SLC39A12: variants seen among roughly 807,000 people sequenced by gnomAD.
The protein encoded by SLC39A12 is solute carrier family 39 member 12, also known as zinc transporter ZIP12.
SLC39A12 carries 63 observed loss-of-function variants against 71.1 expected under a neutral mutation model. That is an observed-to-expected ratio of 0.89 (90% CI 0.72 to 1.09). The LOEUF is 1.09. SLC39A12 is among the 50% of genes least tolerant of loss of function. The probability of loss-of-function intolerance (pLI) is 0.00; values close to 1 mark genes in which losing one functional copy is unlikely to be tolerated. For missense variants in SLC39A12, 892 were observed against 812.6 expected (o/e 1.10, Z -1.19); for synonymous variants, 351 against 301.3 (o/e 1.16, Z -1.71).
At position 17,953,546 on chromosome 10, in the gene SLC39A12, A is replaced by G. The variant is rs1554847423; in HGVS notation, c.261+9A>G. 10 of 1,613,772 alleles carry G rather than the reference A, an allele frequency of 6.2e-6. No homozygotes were observed. The highest frequency in any genetic ancestry group is 8.5e-6 in the Non-Finnish European group (10 of 1,179,804). On this transcript the variant is annotated intron_variant, in intron 2 of 12. Transcript: ENST00000377369. ...AAGGAGATTGCAATCTGGTTAGTGAAATAGAATGGGGTCAGGTATCAGGGC... is the reference window on the plus strand; with the variant it reads ...AAGGAGATTGCAATCTGGTTAGTGAGATAGAATGGGGTCAGGTATCAGGGC...
chr10:18,005,173 C>A (rs1835976065), intron 12 of SLC39A12, among the ~76,000 whole-genome samples: 1 of 152,004 alleles, frequency 6.6e-6, no homozygotes, highest in African/African-American at 2.4e-5. Flanking sequence ...ACCACTGTGA[C>A]ACACGTTTAC....
chr10:17,989,524 C>T (rs11594776), intron 7 of SLC39A12, among the ~76,000 whole-genome samples: 46,085 of 151,986 alleles, frequency 0.3, 8,081 homozygotes, highest in Non-Finnish European at 0.4. Context: ...GAGCCCACAG[C>T]GAAGGTGGAC....
chr10:18,030,544 T>G (rs117819239), intron 12 of SLC39A12, among the ~76,000 whole-genome samples: 9,076 of 152,068 alleles, frequency 0.06, 369 homozygotes, highest in Middle Eastern at 0.13. Context: ...CGGCCAAGTC[T>G]TTTCAAACAC....
At chr10:17,959,874 C>T (rs1834642855) in intron 2 of SLC39A12, among the ~76,000 whole-genome samples, 2 of 152,182 alleles carry the variant, frequency 1.3e-5, no homozygotes, top group Admixed American at 1.3e-4. Context: ...GGAGGAAAGA[C>T]TTTTCCTCTA....
intron 10 of SLC39A12, among the ~76,000 whole-genome samples, chr10:17,999,788 G>A (rs1270402117): frequency 1.3e-5 from 2 of 152,146 alleles, no homozygotes; most frequent in African/African-American, 2.4e-5. Context: ...GGCCAGAAAC[G>A]TTGGTCGTGG....
chr10:18,033,027 G>T lies in SLC39A12; in HGVS notation c.1948-9678G>T, dbSNP rs1337455200. Among the ~76,000 whole-genome samples the T allele has an allele frequency of 1.4e-4, 22 of 151,778 alleles. No individual in the cohort carries two copies. The East Asian group carries it at 1.6e-3, about 11-fold the overall frequency. The stretch of plus-strand genomic sequence containing the variant: ...ACTTGATCATGGTGGATAAGCTTTT[G>T]GATGTGCTGCCGGATTCGGTTTGCC... On this transcript the variant is annotated intron_variant, in intron 12 of 12. Transcript: ENST00000377369.
At position 17,995,707 on chromosome 10, in the gene SLC39A12, G is replaced by C. The variant is rs773859379; in HGVS notation, c.1585G>C (p.Ala529Pro). The C allele has an allele frequency of 8.1e-6, 13 of 1,612,956 alleles. No individual in the cohort carries two copies. Among genetic ancestry groups the C allele is most frequent in the Non-Finnish European group, 1.1e-5 (13 of 1,179,576 alleles). The change falls in exon 10 of 13, where the codon GCC becomes CCC. Residue 529 changes from alanine to proline, a missense_variant. Coordinates refer to ENST00000377369, the MANE Select transcript of SLC39A12 (RefSeq NM_001145195.2). ...TGAAATGCCTATAGGCAGTATGACA[G>C]CCTCCAACAGAAAATGTGAGTACCA... Reference protein sequence around the residue: ...AAEMPIGSMTASNRKCKAISL... With the variant: ...AAEMPIGSMTPSNRKCKAISL...
At chr10:17,998,669 T>TTTC in intron 10 of SLC39A12, among the ~76,000 whole-genome samples, 1 of 152,198 alleles carries the variant, frequency 6.6e-6, no homozygotes, top group Non-Finnish European at 1.5e-5. Flanking sequence ...TACAGTGATA[T>TTTC]TTCTAAATAC....
At chr10:17,988,551 C>T (rs561451042) in intron 7 of SLC39A12, among the ~76,000 whole-genome samples, 1 of 152,282 alleles carries the variant, frequency 6.6e-6, no homozygotes, top group East Asian at 1.9e-4. Context: ...GGTTATCCAG[C>T]CTCAGATATT....
chr10:18,027,038 C>G (rs1836698169), intron 12 of SLC39A12, among the ~76,000 whole-genome samples: 1 of 152,116 alleles, frequency 6.6e-6, no homozygotes, highest in African/African-American at 2.4e-5. Flanking sequence ...TGTTCAGTTT[C>G]TTTAAACCAT....
intron 12 of SLC39A12, among the ~76,000 whole-genome samples, chr10:18,020,031 G>T (rs987743037): frequency 6.6e-6 from 1 of 151,954 alleles, no homozygotes; most frequent in Non-Finnish European, 1.5e-5. Flanking sequence ...ACATGTGCAA[G>T]TATGTTACAT....
chr10:18,003,997 T>C (rs1835929160), intron 12 of SLC39A12, among the ~76,000 whole-genome samples: 1 of 152,214 alleles, frequency 6.6e-6, no homozygotes, highest in Non-Finnish European at 1.5e-5. Flanking sequence ...CAACGTATGT[T>C]TCCTATAGAG....
At chr10:18,023,906 C>G (rs1298792646) in intron 12 of SLC39A12, among the ~76,000 whole-genome samples, 5 of 152,048 alleles carry the variant, frequency 3.3e-5, no homozygotes, top group African/African-American at 9.7e-5. Flanking sequence ...GGACAGGGAC[C>G]CCTGTGGAAG....
intron 6 of SLC39A12, among the ~76,000 whole-genome samples, chr10:17,983,031 AT>A (rs1011641705): frequency 6.6e-6 from 1 of 150,668 alleles, no homozygotes; most frequent in African/African-American, 2.5e-5. Flanking sequence ...TCTACTAAAA[AT>A]TAAAAATTAA....
chr10:18,026,963 T>C (rs1836696210), intron 12 of SLC39A12, among the ~76,000 whole-genome samples: 1 of 152,234 alleles, frequency 6.6e-6, no homozygotes, highest in African/African-American at 2.4e-5. Flanking sequence ...TTAATCATAA[T>C]GTTTTAAAAC....
chr10:18,020,788 C>T (rs1836513049), intron 12 of SLC39A12, among the ~76,000 whole-genome samples: 1 of 151,912 alleles, frequency 6.6e-6, no homozygotes, highest in Non-Finnish European at 1.5e-5. Context: ...ATGTCTGTTC[C>T]TGTCCTTTGC....
chr10:17,953,514 G>C lies in SLC39A12; in HGVS notation c.238G>C (p.Gly80Arg). ...AACTGGGTGCCCACGGAGGAGAAACGGAATGCAAGGAGATTGCAATCTGGT... is the reference window on the plus strand; with the variant it reads ...AACTGGGTGCCCACGGAGGAGAAACCGAATGCAAGGAGATTGCAATCTGGT... ...EKTGCPRRRN[G>R]MQGDCNLCFE... The change falls in exon 2 of 13, where the codon GGA (glycine) becomes CGA (arginine). Residue 80 changes from glycine to arginine, a missense_variant. By Grantham distance (125) the Gly-to-Arg change is moderately radical. Coordinates refer to ENST00000377369, the MANE Select transcript of SLC39A12 (RefSeq NM_001145195.2). 1 of 1,614,160 alleles carries C rather than the reference G, an allele frequency of 6.2e-7. No homozygotes were observed. The highest frequency in any genetic ancestry group is 1.1e-5 in the South Asian group (1 of 91,072).
In SLC39A12 at chr10:18,003,278, G is replaced by C; in HGVS notation, c.1867G>C (p.Val623Leu). 6.2e-7 allele frequency: 1 copy of C among 1,613,994 alleles called. No individual in the cohort carries two copies. The highest frequency in any genetic ancestry group is 2.2e-5 in the East Asian group (1 of 44,856). The change falls in exon 12 of 13, where the codon GTG becomes CTG. Residue 623 changes from valine to leucine, a missense_variant. Coordinates refer to ENST00000377369, the MANE Select transcript of SLC39A12 (RefSeq NM_001145195.2). ...CATGGGATTATACATTGGCCTTTCC[G>C]TGTCAGCTGATCCATGTGTTCAAGA... ...AFMGLYIGLS[V>L]SADPCVQDWI...
intron 2 of SLC39A12, among the ~76,000 whole-genome samples, chr10:17,959,424 G>A (rs573195560): frequency 6.6e-6 from 1 of 152,170 alleles, no homozygotes; most frequent in Non-Finnish European, 1.5e-5. Flanking sequence ...ATTTGGAGAT[G>A]GATGACATTT....
Sources: allele counts gnomAD v4.1 joint callset (sites outside exome capture counted in the v4.1 genomes callset), GRCh38; gene constraint gnomAD v4.1.1; transcripts MANE v1.5; gene names NCBI Gene and HGNC (gene_info 2026-07-23, HGNC 2026-07-21).